The following SLC6A9 variants were observed in gnomAD, a reference collection of about 807,000 sequenced individuals.
The protein encoded by SLC6A9 is sodium- and chloride-dependent glycine transporter 1.
Under a neutral mutation model 70.9 loss-of-function variants are expected in SLC6A9, and 31 were observed. The ratio of observed to expected loss-of-function variants is 0.44; its 90% CI spans 0.33 to 0.59. SLC6A9 has a LOEUF of 0.59. Ranked by LOEUF, SLC6A9 falls within the 20% of genes least tolerant of loss-of-function variation. The pLI is 0.04. For missense variants in SLC6A9, 631 were observed against 845.2 expected (o/e 0.75, Z 3.14); for synonymous variants, 310 against 341.3 (o/e 0.91, Z 1.01).
intron 1 of SLC6A9, among the ~76,000 whole-genome samples, chr1:44,029,397 C>A (rs1358975250): frequency 6.6e-6 from 1 of 152,206 alleles, no homozygotes; most frequent in Non-Finnish European, 1.5e-5. Context: ...AGGTCAGCAG[C>A]CTGCGGCCAT....
Position 43,998,040 on chromosome 1 carries a change from T to G in SLC6A9, c.1537-15A>C, listed in dbSNP as rs745919465. The G allele has an allele frequency of 6.3e-7, 1 of 1,599,328 alleles. No individual in the cohort carries two copies. The highest frequency in any genetic ancestry group is 8.5e-7 in the Non-Finnish European group (1 of 1,169,792). On this transcript the variant is annotated splice_polypyrimidine_tract_variant and intron_variant, in intron 12 of 13. Coordinates refer to ENST00000372310, the MANE Select transcript of SLC6A9 (RefSeq NM_001024845.3). ...ACTAGAATAAACTGCACGGGGCAGG[T>G]GTGGGAGTGGGCGTGAGGCCGACCC...
At chr1:43,998,166 A>G (rs1422674780) in intron 12 of SLC6A9, 141 bp from the exon 13 acceptor site, 4 of 789,222 alleles carry the variant, frequency 5.1e-6, no homozygotes, top group Non-Finnish European at 7.9e-6. Context: ...AGCTGTCAAC[A>G]TCTGGGCCGT....
chr1:44,009,860 T>G, intron 4 of SLC6A9, 105 bp downstream of exon 4: 4 of 1,352,832 alleles, frequency 3.0e-6, no homozygotes, highest in Non-Finnish European at 3.1e-6. Flanking sequence ...GCATCAGGGC[T>G]CTACAGAGGT....
chr1:44,030,142 G>A (rs975194688), intron 1 of SLC6A9, among the ~76,000 whole-genome samples: 3 of 152,088 alleles, frequency 2.0e-5, no homozygotes, highest in Non-Finnish European at 4.4e-5. Context: ...GAGGCCTCCG[G>A]CCGGCGGGCA....
intron 1 of SLC6A9, among the ~76,000 whole-genome samples, chr1:44,025,325 G>A (rs1248051852): frequency 2.6e-5 from 4 of 152,106 alleles, no homozygotes; most frequent in African/African-American, 4.8e-5. Flanking sequence ...CAGCAGCCAC[G>A]TGGAAGGAAC....
chr1:44,016,928 G>T, intron 2 of SLC6A9: 1 of 1,023,468 alleles, frequency 9.8e-7, no homozygotes, highest in Non-Finnish European at 1.4e-6. Context: ...TGTCTTGCTT[G>T]CTGGCTGTGC....
At chr1:44,011,468 A>G in intron 2 of SLC6A9, 1 of 1,036,398 alleles carries the variant, frequency 9.6e-7, no homozygotes, top group East Asian at 2.4e-5. Context: ...GAGCCGGGAC[A>G]GACATGGGGA....
chr1:44,021,035 G>C (rs1180956167), intron 2 of SLC6A9, among the ~76,000 whole-genome samples: 2 of 152,238 alleles, frequency 1.3e-5, no homozygotes, highest in Non-Finnish European at 2.9e-5. Context: ...CTAGGGAGGG[G>C]ACTGAGGTGG....
Position 43,997,276 on chromosome 1 carries a change from C to T in SLC6A9, c.*269G>A. On this transcript the variant is annotated 3_prime_UTR_variant, in exon 14 of 14. Transcript: ENST00000372310. The surrounding 1 kb of genome is among the most constrained non-coding windows in gnomAD (Gnocchi z 4.4). The stretch of plus-strand genomic sequence containing the variant: ...TAAAGCCATCCAGGCTGCTGGGGAC[C>T]TGGCCCGAGACCCCTCCAAAGTGCT... 6.1e-6 allele frequency: 3 copies of T among 491,818 alleles called. No homozygotes were observed. The highest frequency in any genetic ancestry group is 2.5e-5 in the South Asian group (1 of 40,398). 30.5% of individuals were successfully genotyped at this position (491,818 alleles called of 1,614,324 possible). A position where few individuals can be genotyped will look rare whatever the true frequency, so the allele number is the denominator to read the frequency against.
intron 2 of SLC6A9, chr1:44,017,405 ACACAGACT>A: frequency 9.0e-7 from 1 of 1,116,354 alleles, no homozygotes; most frequent in Non-Finnish European, 1.1e-6. Flanking sequence ...ACACACACAC[ACACAGACT>A]GGGGCAGAGC....
intron 4 of SLC6A9, among the ~76,000 whole-genome samples, chr1:44,009,112 C>T (rs765008286): frequency 7.6e-4 from 114 of 149,496 alleles, no homozygotes; most frequent in Middle Eastern, 3.5e-3. Context: ...CTGCAACCTC[C>T]GCCTCCCAGG....
At position 43,997,579 on chromosome 1, in the gene SLC6A9, T is replaced by G; in HGVS notation, c.1868A>C (p.Asn623Thr). 1.2e-6 allele frequency: 2 copies of G among 1,613,694 alleles called. No individual in the cohort carries two copies. Among genetic ancestry groups the G allele is most frequent in the South Asian group, 2.2e-5 (2 of 91,074 alleles). The change falls in exon 14 of 14, where the codon AAT (asparagine) becomes ACT (threonine). Residue 623 changes from asparagine to threonine, a missense_variant. Asn to Thr is a moderately conservative substitution (Grantham distance 65, BLOSUM62 0). Coordinates refer to ENST00000372310, the MANE Select transcript of SLC6A9 (RefSeq NM_001024845.3). The surrounding 1 kb of genome is among the most constrained non-coding windows in gnomAD (Gnocchi z 4.4). ...DKAQIPIVGS[N>T]GSSRLQDSRI ...GGAGTCCTGGAGGCGGCTGGAGCCATTACTGCCCACAATGGGGATCTGCGC... is the reference window on the plus strand; with the variant it reads ...GGAGTCCTGGAGGCGGCTGGAGCCAGTACTGCCCACAATGGGGATCTGCGC...
chr1:44,004,834 A>G (rs994828824), intron 5 of SLC6A9, among the ~76,000 whole-genome samples: 49 of 152,200 alleles, frequency 3.2e-4, no homozygotes, highest in African/African-American at 1.1e-3. Context: ...TTGGAACCCA[A>G]CGTATTTACA....
chr1:44,012,724 A>C (rs1258275774), intron 2 of SLC6A9, among the ~76,000 whole-genome samples: 1 of 152,166 alleles, frequency 6.6e-6, no homozygotes, highest in Non-Finnish European at 1.5e-5. Flanking sequence ...AAATCACAAG[A>C]GTATGGAAGG....
At chr1:44,016,988 C>T in intron 2 of SLC6A9, 2 of 1,519,674 alleles carry the variant, frequency 1.3e-6, no homozygotes, top group Non-Finnish European at 8.8e-7. Context: ...ATCCGCAGCC[C>T]AGCCTCTCAG....
intron 1 of SLC6A9, 108 bp downstream of exon 1, chr1:44,031,198 G>A (rs3223056): frequency 4.4e-4 from 57 of 128,512 alleles, no homozygotes; most frequent in South Asian, 2.5e-4. Flanking sequence ...ACACACACAC[G>A]CACACGCTGG....
chr1:44,001,721 C>T, intron 8 of SLC6A9, 94 bp from the exon 9 acceptor site: 3 of 905,672 alleles, frequency 3.3e-6, no homozygotes, highest in Non-Finnish European at 3.5e-6. Flanking sequence ...ACAAAGGCAC[C>T]CCCAACTCTT....
intron 5 of SLC6A9, among the ~76,000 whole-genome samples, chr1:44,004,957 C>T (rs1030800914): frequency 3.3e-5 from 5 of 152,220 alleles, no homozygotes; most frequent in Non-Finnish European, 7.3e-5. Context: ...GAGAACAGGA[C>T]CCTCAGGAAC....
chr1:44,022,906 A>G (rs2086914281), intron 2 of SLC6A9, among the ~76,000 whole-genome samples: 1 of 151,876 alleles, frequency 6.6e-6, no homozygotes, highest in South Asian at 2.1e-4. Flanking sequence ...AGGTTTCACC[A>G]TGTTGGTCAG....
Sources: allele counts gnomAD v4.1 joint callset (sites outside exome capture counted in the v4.1 genomes callset), GRCh38; gene constraint gnomAD v4.1.1; non-coding constraint Gnocchi (gnomAD v3.1); transcripts MANE v1.5; gene names NCBI Gene and HGNC (gene_info 2026-07-23, HGNC 2026-07-21).